Variants in KCNC4 observed in about 807,000 individuals in gnomAD.
KCNC4 encodes the protein potassium voltage-gated channel subfamily C member 4.
In KCNC4, 23 loss-of-function variants were observed where a neutral mutation model predicts 42.8. The ratio of observed to expected loss-of-function variants is 0.54; its 90% CI spans 0.39 to 0.76. The LOEUF (loss-of-function observed/expected upper bound fraction) is 0.76, where lower values mean the gene tolerates loss of function less well. KCNC4 is among the 30% of genes least tolerant of loss of function. KCNC4 has a pLI of 0.00. For missense variants in KCNC4, 751 were observed against 898.2 expected, an observed-to-expected ratio of 0.84 and a Z score of 2.10; for synonymous variants, 422 against 393.5, an observed-to-expected ratio of 1.07 and a Z score of -0.86.
chr1:110,268,610 GAAAA>G (rs1177241176), intron 1 of KCNC4, among the ~76,000 whole-genome samples: 4 of 82,066 alleles, frequency 4.9e-5, no homozygotes, highest in African/African-American at 9.0e-5. Context: ...TGTCTCAAAA[GAAAA>G]AAAAAAAAAA....
At chr1:110,257,637 C>T (rs1886108) in intron 1 of KCNC4, among the ~76,000 whole-genome samples, 44,226 of 149,856 alleles carry the variant, frequency 0.3, 6,859 homozygotes, top group Non-Finnish European at 0.34. Flanking sequence ...AGGAGAATGG[C>T]GTGAACCCAG....
intron 1 of KCNC4, chr1:110,222,680 C>T: frequency 2.5e-6 from 1 of 407,178 alleles, no homozygotes. Flanking sequence ...GTGGGCAGAG[C>T]TATCAAAGGC....
downstream of KCNC4, chr1:110,236,919 A>G (rs183731074): frequency 5.9e-5 from 9 of 152,304 alleles, no homozygotes; most frequent in East Asian, 1.5e-3. Context: ...AATTTTAAAA[A>G]ATCTTTTTTT....
At chr1:110,241,441 T>C (rs1425233721) in exon 4 of KCNC4, 1 of 152,206 alleles carries the variant, frequency 6.6e-6, no homozygotes, top group Non-Finnish European at 1.5e-5. Flanking sequence ...TTCTCTGTGA[T>C]AGGAAGTCCT....
chr1:110,266,142 A>G (rs1032047115), intron 1 of KCNC4, among the ~76,000 whole-genome samples: 1 of 152,172 alleles, frequency 6.6e-6, no homozygotes, highest in Non-Finnish European at 1.5e-5. Flanking sequence ...CAGCTCTGGA[A>G]ATAGGGGGAG....
chr1:110,219,840 G>A (rs1657994223), intron 1 of KCNC4: 2 of 152,240 alleles, frequency 1.3e-5, no homozygotes, highest in Admixed American at 6.5e-5. Context: ...TCAGTTTGGG[G>A]AGCAACATAG....
exon 4 of KCNC4, chr1:110,240,138 C>T (rs1157050416): frequency 1.3e-5 from 2 of 152,166 alleles, no homozygotes; most frequent in Non-Finnish European, 2.9e-5. Context: ...GGAAAGAGAA[C>T]CCTGGCCCGG....
chr1:110,233,088 A>G lies in KCNC4; in HGVS notation c.*116A>G, dbSNP rs1658783245. 4 of 1,343,892 alleles carry G rather than the reference A, an allele frequency of 3.0e-6. No homozygotes were observed. The South Asian group carries it at 3.8e-5, about 13-fold the overall frequency. The allele number at this position is 1,343,892 out of a possible 1,614,324, so 83.2% of individuals were successfully genotyped here. ...GAAAGACTCAGATATCCTTGTTTGC[A>G]CAGGACTGGTGGAAAATCTCCCATG... is the stretch of plus-strand genomic sequence containing the variant. On this transcript the variant is annotated 3_prime_UTR_variant, in exon 4 of 4. Coordinates refer to ENST00000438661, the MANE Select transcript of KCNC4 (RefSeq NM_001039574.3).
At chr1:110,256,706 C>A in intron 1 of KCNC4, 2 of 153,424 alleles carry the variant, frequency 1.3e-5, no homozygotes, top group South Asian at 3.6e-4. Flanking sequence ...AAAGACAAGT[C>A]TGCAGTGGAC....
intron 2 of KCNC4, chr1:110,225,119 C>G (rs1658315810): frequency 6.6e-6 from 1 of 152,204 alleles, no homozygotes; most frequent in Admixed American, 6.5e-5. Context: ...CTCTGAGGCC[C>G]ATTCAGGGTA....
In KCNC4 at chr1:110,223,212, C is replaced by T. The variant is rs779015370; in HGVS notation, c.927C>T (p.Phe309=). Residue 309 remains phenylalanine, a synonymous_variant, in exon 2 of 4, where the codon TTC becomes TTT. Transcript: ENST00000438661. The surrounding 1 kb of genome is among the most constrained non-coding windows in gnomAD (Gnocchi z 7.5). ...RIVCCPDTLD[F]VKNLLNIIDF... is the part of the protein sequence containing the mutation. ...TGTGCTGCCCCGACACGCTGGACTT[C>T]GTCAAGAACCTGCTCAACATCATCG... is the stretch of plus-strand genomic sequence containing the variant. The T allele has an allele frequency of 6.8e-6, 11 of 1,614,120 alleles. No homozygotes were observed. Among genetic ancestry groups the T allele is most frequent in the East Asian group, 2.2e-5 (1 of 44,892 alleles).
rs559489371 is a variant in KCNC4, at chr1:110,218,683, G to T, written c.679-4281G>T. Among the ~76,000 whole-genome samples, 7 of 152,256 alleles carry T rather than the reference G, an allele frequency of 4.6e-5. No homozygotes were observed. In the East Asian group the frequency reaches 1.4e-3, roughly 29 times the overall value. ...TCACTTTATAAATGAAGACCTTAAG[G>T]CTTGGAGAGGTTAAGGAACTCATGC... On this transcript the variant is annotated intron_variant, in intron 1 of 3. Transcript: ENST00000438661.
intron 1 of KCNC4, chr1:110,219,621 C>G (rs1657982870): frequency 6.6e-6 from 1 of 152,200 alleles, no homozygotes. Flanking sequence ...GAATAGAAGG[C>G]TCAAGGCTGA....
At chr1:110,228,281 G>A (rs1037312138) in intron 3 of KCNC4, among the ~76,000 whole-genome samples, 1 of 152,184 alleles carries the variant, frequency 6.6e-6, no homozygotes, top group African/African-American at 2.4e-5. Flanking sequence ...GCTGGAGGCT[G>A]TGGGGTCTTT....
At position 110,226,036 on chromosome 1, in the gene KCNC4, C is replaced by T. The variant is rs755186151; in HGVS notation, c.1677C>T (p.Thr559=). The change falls in exon 3 of 4, where the codon ACC becomes ACT. Residue 559 remains threonine (T), a synonymous_variant. Transcript: ENST00000438661. ...CTGATGAGGAGGGAGCTGGCCTCAC[C>T]CAACCCCTGGCCTCCTCCCCGACCC... The part of the protein sequence containing the change: ...VLSDEEGAGL[T]QPLASSPTPE... 6.2e-7 allele frequency: 1 copy of T among 1,613,788 alleles called. No homozygotes were observed. Among genetic ancestry groups the T allele is most frequent in the Admixed American group, 1.7e-5 (1 of 60,000 alleles).
rs1245648984 is a variant in KCNC4, at chr1:110,211,625, G to A, written c.126G>A (p.Val42=). 6.2e-7 allele frequency: 1 copy of A among 1,613,846 alleles called. No individual in the cohort carries two copies. The highest frequency in any genetic ancestry group is 2.2e-5 in the East Asian group (1 of 44,886). Residue 42 remains valine (V), a synonymous_variant, in exon 1 of 4, where the codon GTG becomes GTA. Coordinates refer to ENST00000438661, the MANE Select transcript of KCNC4 (RefSeq NM_001039574.3). The surrounding 1 kb of genome is among the most constrained non-coding windows in gnomAD (Gnocchi z 6.5). ...CGTCGGAGAAGATCATCATCAACGT[G>A]GGCGGCACGCGACATGAGACCTACC... ...GEASEKIIIN[V]GGTRHETYRS... is the part of the protein sequence containing the mutation.
chr1:110,265,528 C>T (rs569252637), intron 1 of KCNC4, among the ~76,000 whole-genome samples: 1 of 152,326 alleles, frequency 6.6e-6, no homozygotes, highest in African/African-American at 2.4e-5. Context: ...ATCCAGGCCC[C>T]TGTTCCCAGG....
At chr1:110,216,846 G>A (rs1210687617) in intron 1 of KCNC4, among the ~76,000 whole-genome samples, 2 of 152,278 alleles carry the variant, frequency 1.3e-5, no homozygotes, top group African/African-American at 2.4e-5. Context: ...GTCCTTATCT[G>A]GAAGTGGACC....
At chr1:110,259,237 A>G (rs1659386494) in intron 1 of KCNC4, among the ~76,000 whole-genome samples, 1 of 152,170 alleles carries the variant, frequency 6.6e-6, no homozygotes, top group African/African-American at 2.4e-5. Flanking sequence ...GCATGTGACT[A>G]GGGCACACGG....
Sources: allele counts gnomAD v4.1 joint callset (sites outside exome capture counted in the v4.1 genomes callset), GRCh38; gene constraint gnomAD v4.1.1; non-coding constraint Gnocchi (gnomAD v3.1); transcripts MANE v1.5; gene names NCBI Gene and HGNC (gene_info 2026-07-23, HGNC 2026-07-21).